Variants in MICAL3 observed in about 807,000 individuals in gnomAD.
MICAL3 encodes the protein microtubule associated monooxygenase, calponin and LIM domain containing 3.
MICAL3 carries 62 observed loss-of-function variants against 207.4 expected under a neutral mutation model. That is an observed-to-expected ratio of 0.30 (90% CI 0.24 to 0.37). The LOEUF (loss-of-function observed/expected upper bound fraction) is 0.37. Among genes scored for constraint, MICAL3 ranks in the 10% least tolerant of loss-of-function variants. The pLI, the probability that MICAL3 is intolerant of heterozygous loss-of-function variation, is 1.00. For synonymous variants in MICAL3, 1,077 were observed against 1,069.3 expected, an observed-to-expected ratio of 1.01 and a Z score of -0.14; for missense variants, 2,368 against 2,635.6, an observed-to-expected ratio of 0.90 and a Z score of 2.22.
chr22:17,873,511 C>T (rs1233940277), intron 16 of MICAL3, among the ~76,000 whole-genome samples: 3 of 152,222 alleles, frequency 2.0e-5, no homozygotes, highest in African/African-American at 7.2e-5. Flanking sequence ...TGATGAGGCC[C>T]GTGTGGCCCA....
chr22:17,981,124 G>T (rs1602341399), intron 1 of MICAL3, among the ~76,000 whole-genome samples: 1 of 152,174 alleles, frequency 6.6e-6, no homozygotes, highest in Admixed American at 6.5e-5. Context: ...TGATATAAAA[G>T]ATATGCAGCA....
chr22:17,951,983 G>A (rs144451953), intron 1 of MICAL3, among the ~76,000 whole-genome samples: 21 of 152,172 alleles, frequency 1.4e-4, no homozygotes, highest in African/African-American at 3.4e-4. Flanking sequence ...AGGCGTGAGC[G>A]ACTGTGCCGG....
At chr22:17,873,860 G>C (rs983999183) in intron 16 of MICAL3, among the ~76,000 whole-genome samples, 3 of 152,212 alleles carry the variant, frequency 2.0e-5, no homozygotes, top group African/African-American at 7.2e-5. Context: ...TGTGGAGATG[G>C]CCACACCACC....
intron 1 of MICAL3, among the ~76,000 whole-genome samples, chr22:17,970,704 G>T (rs1935371144): frequency 6.6e-6 from 1 of 152,070 alleles, no homozygotes; most frequent in South Asian, 2.1e-4. Context: ...CTTGAATTGG[G>T]GTTGGTGAGA....
intron 20 of MICAL3, among the ~76,000 whole-genome samples, chr22:17,835,242 G>A (rs1010561725): frequency 9.5e-6 from 1 of 105,714 alleles, no homozygotes; most frequent in African/African-American, 2.8e-5. Context: ...TTTCACAACA[G>A]CTCAAGGACC....
Position 17,811,050 on chromosome 22 carries a change from C to T in MICAL3, c.5446-237G>A, listed in dbSNP as rs192900210. ...GCAGCAGCCCTCAGTGCCACGGGCA[C>T]ACCTAAGATCCACAGAGTGAGACAT... On this transcript the variant is annotated intron_variant, in intron 27 of 31. Transcript: ENST00000441493. 2,341 of 487,426 alleles carry T rather than the reference C, an allele frequency of 4.8e-3. 9 individuals carry two copies. The highest frequency in any genetic ancestry group is 7.5e-3 in the Non-Finnish European group (2,005 of 266,938). 30.2% of individuals were successfully genotyped at this position (487,426 alleles called of 1,614,324 possible).
intron 19 of MICAL3, among the ~76,000 whole-genome samples, chr22:17,853,928 G>A (rs532464581): frequency 6.6e-6 from 1 of 152,220 alleles, no homozygotes; most frequent in African/African-American, 2.4e-5. Context: ...GTGTGAGAAA[G>A]CACAGCCACT....
At chr22:17,969,255 G>A (rs981436261) in intron 1 of MICAL3, among the ~76,000 whole-genome samples, 1 of 152,330 alleles carries the variant, frequency 6.6e-6, no homozygotes, top group Non-Finnish European at 1.5e-5. Flanking sequence ...TGGCCAGGCT[G>A]GTCTTGAACT....
At chr22:17,811,586 A>T (rs2062048461) in intron 27 of MICAL3, 1 of 152,166 alleles carries the variant, frequency 6.6e-6, no homozygotes, top group African/African-American at 2.4e-5. Context: ...AAGTCCACGG[A>T]CTGGACAGCC....
In MICAL3 at chr22:17,793,193, C is replaced by T. The variant is rs1236284002; in HGVS notation, c.5651-1892G>A. On this transcript the variant is annotated intron_variant, in intron 29 of 31. Transcript: ENST00000441493. The surrounding 1 kb of genome is among the most constrained non-coding windows in gnomAD (Gnocchi z 4.1). ...TTAGCAGGGTTAGTCACGGCCACAC[C>T]CCCCACATGCCTTTCAACGACAATC... Among the ~76,000 whole-genome samples, 1 of 152,170 alleles carries T rather than the reference C, an allele frequency of 6.6e-6. No homozygotes were observed. Among genetic ancestry groups the T allele is most frequent in the East Asian group, 1.9e-4 (1 of 5,196 alleles).
intron 1 of MICAL3, among the ~76,000 whole-genome samples, chr22:17,929,575 T>C (rs947354725): frequency 2.8e-5 from 4 of 142,984 alleles, no homozygotes; most frequent in African/African-American, 7.8e-5. Context: ...TTTCTTTTTT[T>C]TTTTTTTTTT....
chr22:17,838,756 C>T (rs1387628318), intron 20 of MICAL3, among the ~76,000 whole-genome samples: 5 of 152,062 alleles, frequency 3.3e-5, no homozygotes, highest in African/African-American at 9.7e-5. Flanking sequence ...TTGGCTGGAA[C>T]GGTTAATGCC....
chr22:17,941,285 G>A (rs982378552), intron 1 of MICAL3, among the ~76,000 whole-genome samples: 2 of 152,178 alleles, frequency 1.3e-5, no homozygotes, highest in African/African-American at 4.8e-5. Flanking sequence ...TGTCAACACC[G>A]GCACCGATGT....
intron 1 of MICAL3, among the ~76,000 whole-genome samples, chr22:18,002,783 C>T (rs1212018530): frequency 6.6e-6 from 1 of 152,136 alleles, no homozygotes; most frequent in Admixed American, 6.5e-5. Context: ...TCACACACTT[C>T]ATGTGTGATC....
chr22:17,897,922 T>C (rs935358952), intron 7 of MICAL3, among the ~76,000 whole-genome samples: 1 of 152,216 alleles, frequency 6.6e-6, no homozygotes, highest in African/African-American at 2.4e-5. Flanking sequence ...CAAGTCTTTA[T>C]TCTCTGAAAG....
chr22:17,866,907 G>A (rs575975185), intron 17 of MICAL3, among the ~76,000 whole-genome samples: 9 of 152,298 alleles, frequency 5.9e-5, no homozygotes, highest in South Asian at 2.1e-4. Flanking sequence ...AGCGACTGAC[G>A]ACTTTTGAAT....
At chr22:17,899,667 A>G (rs1246397756) in intron 6 of MICAL3, 119 bp from the exon 7 acceptor site, 2 of 673,380 alleles carry the variant, frequency 3.0e-6, no homozygotes, top group African/African-American at 1.8e-5. Flanking sequence ...AGGCAGGGAA[A>G]GGTGTCTAAG....
chr22:17,828,233 G>T (rs555384138), intron 21 of MICAL3, among the ~76,000 whole-genome samples: 1 of 152,218 alleles, frequency 6.6e-6, no homozygotes, highest in Non-Finnish European at 1.5e-5. Flanking sequence ...CTGCCCCTCT[G>T]CTGGTCACAC....
chr22:17,885,857 C>T, intron 16 of MICAL3, 21 bp downstream of exon 16: 2 of 1,612,230 alleles, frequency 1.2e-6, no homozygotes, highest in Non-Finnish European at 1.7e-6. Context: ...TCGGTGTGGG[C>T]AGGGCACGGG....
Sources: allele counts gnomAD v4.1 joint callset (sites outside exome capture counted in the v4.1 genomes callset), GRCh38; gene constraint gnomAD v4.1.1; non-coding constraint Gnocchi (gnomAD v3.1); transcripts MANE v1.5; gene names NCBI Gene and HGNC (gene_info 2026-07-23, HGNC 2026-07-21).